Variants in PTPRN2 observed in about 807,000 individuals in gnomAD.
PTPRN2 encodes the protein receptor-type tyrosine-protein phosphatase N2.
In PTPRN2, 74 loss-of-function variants were observed where a neutral mutation model predicts 118.8. The observed-to-expected ratio is 0.62, with a 90% confidence interval of 0.52 to 0.76. The LOEUF is 0.76. PTPRN2 is among the 30% of genes least tolerant of loss of function. PTPRN2 has a pLI of 0.00. For synonymous variants in PTPRN2, 641 were observed against 608.0 expected, an observed-to-expected ratio of 1.05 and a Z score of -0.80; for missense variants, 1,481 against 1,394.4, an observed-to-expected ratio of 1.06 and a Z score of -0.99.
chr7:158,132,203 CACA>C (rs554361095), intron 9 of PTPRN2, among the ~76,000 whole-genome samples: 169 of 146,012 alleles, frequency 1.2e-3, no homozygotes, highest in African/African-American at 4.3e-3. Flanking sequence ...CACAGATACA[CACA>C]ACGAAATACC....
At chr7:157,829,478 T>C (rs2151157409) in intron 12 of PTPRN2, among the ~76,000 whole-genome samples, 1 of 152,234 alleles carries the variant, frequency 6.6e-6, no homozygotes, top group South Asian at 2.1e-4. Context: ...TGGGGTTAGG[T>C]AAGTTTGAAA....
rs1013172078 is a variant in PTPRN2, at chr7:157,540,593, G to A, written c.*121C>T. 22 of 720,838 alleles carry A rather than the reference G, an allele frequency of 3.1e-5. No homozygotes were observed. The highest frequency in any genetic ancestry group is 2.4e-4 in the African/African-American group (13 of 54,994). 44.7% of individuals were successfully genotyped at this position (720,838 alleles called of 1,614,324 possible). Reference sequence around the variant, plus strand: ...TTAACTGCTAAACTGCGCTGACTACGGGAGAGCTAAGGGCCCTATTACTAT... The same window carrying A: ...TTAACTGCTAAACTGCGCTGACTACAGGAGAGCTAAGGGCCCTATTACTAT... On this transcript the variant is annotated 3_prime_UTR_variant, in exon 23 of 23. Transcript: ENST00000389418.
intron 11 of PTPRN2, among the ~76,000 whole-genome samples, chr7:157,902,522 G>A (rs1243843748): frequency 1.9e-5 from 2 of 103,156 alleles, no homozygotes; most frequent in Non-Finnish European, 4.0e-5. Context: ...CCAGCCCCGT[G>A]GTGGCCTGGA....
intron 12 of PTPRN2, among the ~76,000 whole-genome samples, chr7:157,782,236 A>G (rs1463689808): frequency 1.3e-5 from 2 of 152,242 alleles, no homozygotes; most frequent in African/African-American, 4.8e-5. Flanking sequence ...TAATTTGTTC[A>G]TGTAAGAATT....
At chr7:157,965,635 C>T (rs1255179162) in intron 11 of PTPRN2, among the ~76,000 whole-genome samples, 2 of 152,242 alleles carry the variant, frequency 1.3e-5, no homozygotes, top group African/African-American at 4.8e-5. Context: ...TCAGGAGGGT[C>T]AGAGCCCCAG....
chr7:157,693,121 G>A (rs1391506103), intron 12 of PTPRN2, among the ~76,000 whole-genome samples: 5 of 151,882 alleles, frequency 3.3e-5, no homozygotes, highest in African/African-American at 1.2e-4. Context: ...CGGGAGCCGG[G>A]GCGGGAAGAG....
chr7:157,790,712 C>T (rs1293752805), intron 12 of PTPRN2, among the ~76,000 whole-genome samples: 3 of 152,076 alleles, frequency 2.0e-5, no homozygotes, highest in East Asian at 1.9e-4. Context: ...ATATAAAATA[C>T]TTTTTAATCT....
At chr7:157,910,776 T>C (rs1477643009) in intron 11 of PTPRN2, among the ~76,000 whole-genome samples, 4 of 152,266 alleles carry the variant, frequency 2.6e-5, no homozygotes, top group African/African-American at 9.6e-5. Context: ...CACGTTCCTG[T>C]AACGTGTTGT....
At chr7:157,793,598 T>C (rs1200126953) in intron 12 of PTPRN2, among the ~76,000 whole-genome samples, 2 of 152,176 alleles carry the variant, frequency 1.3e-5, no homozygotes, top group Non-Finnish European at 2.9e-5. Flanking sequence ...GATTCTCACA[T>C]GCTCGCCCTC....
chr7:158,475,212 C>T (rs1209869756), intron 2 of PTPRN2, among the ~76,000 whole-genome samples: 1 of 61,126 alleles, frequency 1.6e-5, no homozygotes, highest in Non-Finnish European at 3.6e-5. Context: ...ATGCCACCAA[C>T]GAGCACAGTT....
chr7:157,653,168 C>T (rs1805785547), intron 14 of PTPRN2, among the ~76,000 whole-genome samples: 1 of 152,226 alleles, frequency 6.6e-6, no homozygotes, highest in African/African-American at 2.4e-5. Flanking sequence ...TCTAGCTTGG[C>T]CTCCAGACAT....
chr7:158,039,451 A>T (rs1410523375), intron 11 of PTPRN2, among the ~76,000 whole-genome samples: 1 of 152,196 alleles, frequency 6.6e-6, no homozygotes, highest in Non-Finnish European at 1.5e-5. Flanking sequence ...AGACCACCAC[A>T]TCAATACCAA....
chr7:157,705,652 C>T (rs186369982), intron 12 of PTPRN2, among the ~76,000 whole-genome samples: 6 of 151,548 alleles, frequency 4.0e-5, no homozygotes, highest in East Asian at 2.0e-4. Flanking sequence ...CAGATAAATG[C>T]GGATCACATC....
chr7:158,103,659 G>A (rs1815428598), intron 10 of PTPRN2, among the ~76,000 whole-genome samples: 1 of 152,190 alleles, frequency 6.6e-6, no homozygotes, highest in African/African-American at 2.4e-5. Context: ...AAACAGCTCA[G>A]GGGCAGGGAT....
chr7:158,105,023 C>A (rs1233647499), intron 10 of PTPRN2, among the ~76,000 whole-genome samples: 2 of 147,800 alleles, frequency 1.4e-5, no homozygotes, highest in African/African-American at 5.0e-5. Flanking sequence ...AAACTCCATC[C>A]CAGCTCCACT....
At chr7:158,412,837 C>T (rs1460147762) in intron 2 of PTPRN2, among the ~76,000 whole-genome samples, 1 of 136,066 alleles carries the variant, frequency 7.3e-6, no homozygotes, top group East Asian at 2.4e-4. Context: ...CTCCAGGGCC[C>T]ATCCAGTGCC....
At chr7:157,991,777 C>T (rs1244696908) in intron 11 of PTPRN2, among the ~76,000 whole-genome samples, 5 of 149,828 alleles carry the variant, frequency 3.3e-5, no homozygotes, top group East Asian at 1.9e-4. Flanking sequence ...ACCTAAGCAC[C>T]AAGCAAGAGT....
In PTPRN2 at chr7:157,963,709, G is replaced by A. The variant is rs777923269; in HGVS notation, c.1724-64972C>T. ...CCCTCACCCCATCCCCAGGGCAGAC[G>A]ATGCCGCTTCTCAGTGAGGTCCCCT... On this transcript the variant is annotated intron_variant, in intron 11 of 22. Coordinates refer to ENST00000389418, the MANE Select transcript of PTPRN2 (RefSeq NM_002847.5). Among the ~76,000 whole-genome samples the A allele has an allele frequency of 3.9e-5, 6 of 152,228 alleles. No homozygotes were observed. In the East Asian group the frequency reaches 7.7e-4, roughly 20 times the overall value.
intron 11 of PTPRN2, among the ~76,000 whole-genome samples, chr7:157,926,274 C>A (rs746233547): frequency 3.9e-4 from 60 of 152,154 alleles, no homozygotes; most frequent in Admixed American, 6.5e-4. Flanking sequence ...CGCATTACAT[C>A]CTTCCATCTA....
Sources: gnomAD v4.1 joint callset for allele counts (sites outside exome capture counted in the v4.1 genomes callset) on GRCh38, gnomAD v4.1.1 for gene constraint, MANE v1.5 for transcripts, NCBI Gene and HGNC (gene_info 2026-07-23, HGNC 2026-07-21) for gene names.